ADAM10: variants seen among roughly 807,000 people sequenced by gnomAD.
ADAM10 encodes disintegrin and metalloproteinase domain-containing protein 10.
A neutral mutation model predicts 90.1 loss-of-function variants in ADAM10; 17 were observed. The ratio of observed to expected loss-of-function variants is 0.19; its 90% CI spans 0.13 to 0.28. The LOEUF is 0.28. Ranked by LOEUF, ADAM10 falls within the 10% of genes least tolerant of loss-of-function variation. The probability of loss-of-function intolerance (pLI) is 1.00; values close to 1 mark genes in which losing one functional copy is unlikely to be tolerated. For missense variants in ADAM10, 610 were observed against 914.3 expected (o/e 0.67, Z 4.29); for synonymous variants, 310 against 298.6 (o/e 1.04, Z -0.40).
chr15:58,714,824 C>T (rs919811025), intron 2 of ADAM10, among the ~76,000 whole-genome samples: 7 of 151,462 alleles, frequency 4.6e-5, no homozygotes, highest in African/African-American at 1.5e-4. Flanking sequence ...TACAGTGTAC[C>T]AAGACTAATA....
intron 11 of ADAM10, among the ~76,000 whole-genome samples, chr15:58,617,813 T>A (rs1355969727): frequency 4.8e-5 from 7 of 144,976 alleles, no homozygotes; most frequent in East Asian, 2.0e-4. Context: ...AAAAAAAGAG[T>A]AAGTTTAATA....
intron 2 of ADAM10, among the ~76,000 whole-genome samples, chr15:58,700,612 C>T (rs1832387382): frequency 6.6e-6 from 1 of 152,000 alleles, no homozygotes; most frequent in Admixed American, 6.6e-5. Flanking sequence ...GCAATAAATG[C>T]CTACCTCAAA....
chr15:58,630,574 T>C (rs763409323), intron 9 of ADAM10, among the ~76,000 whole-genome samples: 3 of 152,184 alleles, frequency 2.0e-5, no homozygotes, highest in African/African-American at 7.2e-5. Flanking sequence ...ATTTTCACCC[T>C]GAGAGACAGG....
intron 1 of ADAM10, among the ~76,000 whole-genome samples, chr15:58,726,236 C>A (rs1181627071): frequency 6.6e-6 from 1 of 152,028 alleles, no homozygotes. Context: ...ATATTGTACA[C>A]TGAACAACCT....
chr15:58,721,491 A>C (rs1898851222), intron 1 of ADAM10, among the ~76,000 whole-genome samples: 1 of 152,218 alleles, frequency 6.6e-6, no homozygotes, highest in Non-Finnish European at 1.5e-5. Context: ...CTATTCCCTA[A>C]TACTTAATGA....
At chr15:58,677,401 A>G (rs1897322748) in intron 4 of ADAM10, among the ~76,000 whole-genome samples, 1 of 152,232 alleles carries the variant, frequency 6.6e-6, no homozygotes, top group South Asian at 2.1e-4. Context: ...ATCCAGTGTC[A>G]TTCATCCTCC....
At chr15:58,612,046 A>G (rs1172748837) in intron 11 of ADAM10, 55 bp from the exon 12 acceptor site, 5 of 1,486,780 alleles carry the variant, frequency 3.4e-6, no homozygotes, top group Non-Finnish European at 4.7e-6. Context: ...TTCCCTATAT[A>G]CTATTAGATA....
chr15:58,708,241 C>T (rs1431257422), intron 2 of ADAM10, among the ~76,000 whole-genome samples: 2 of 152,130 alleles, frequency 1.3e-5, no homozygotes, highest in South Asian at 4.1e-4. Context: ...ACCAAGAGCA[C>T]ACAAAATCAG....
intron 4 of ADAM10, among the ~76,000 whole-genome samples, chr15:58,674,695 C>G (rs1897273172): frequency 6.6e-6 from 1 of 152,148 alleles, no homozygotes; most frequent in Non-Finnish European, 1.5e-5. Flanking sequence ...GATGCAACAT[C>G]CTGACATTTC....
intron 4 of ADAM10, among the ~76,000 whole-genome samples, chr15:58,675,507 T>C (rs1897288435): frequency 6.6e-6 from 1 of 152,196 alleles, no homozygotes; most frequent in South Asian, 2.1e-4. Flanking sequence ...TTTTTCTCAG[T>C]TTCTTTAAAA....
chr15:58,617,041 G>A (rs1377403019), intron 11 of ADAM10, among the ~76,000 whole-genome samples: 7 of 152,024 alleles, frequency 4.6e-5, no homozygotes, highest in African/African-American at 1.2e-4. Context: ...TCCAGGAGAC[G>A]GAGCTTGCAG....
At chr15:58,634,202 T>C (rs1290677180) in intron 8 of ADAM10, among the ~76,000 whole-genome samples, 3 of 151,626 alleles carry the variant, frequency 2.0e-5, no homozygotes, top group African/African-American at 7.3e-5. Context: ...TCCCAGCTAC[T>C]CGGGCAGGAG....
At chr15:58,743,355 C>A (rs1899676260) in intron 1 of ADAM10, among the ~76,000 whole-genome samples, 1 of 152,200 alleles carries the variant, frequency 6.6e-6, no homozygotes, top group Non-Finnish European at 1.5e-5. Context: ...ACACAAACTA[C>A]ATTTCTGGTA....
chr15:58,718,224 C>G (rs1172731563), intron 1 of ADAM10, among the ~76,000 whole-genome samples: 1 of 151,868 alleles, frequency 6.6e-6, no homozygotes, highest in Non-Finnish European at 1.5e-5. Context: ...TATTTCTGTA[C>G]CTGCTCTTTC....
chr15:58,714,378 CCCTT>C (rs1898585225), intron 2 of ADAM10, among the ~76,000 whole-genome samples: 1 of 151,356 alleles, frequency 6.6e-6, no homozygotes, highest in African/African-American at 2.4e-5. Flanking sequence ...TAAGCAAAAC[CCCTT>C]CCAAGTATAT....
intron 8 of ADAM10, among the ~76,000 whole-genome samples, chr15:58,640,279 T>C (rs1896381046): frequency 1.3e-5 from 2 of 152,156 alleles, no homozygotes; most frequent in African/African-American, 4.8e-5. Context: ...TCCCTTTTAT[T>C]AAAATAAAGG....
chr15:58,597,376 G>C lies in ADAM10; in HGVS notation c.*171C>G, dbSNP rs1894985127. ...TCCCACCCCCAAATTGGAATTTTCA[G>C]GCTTTAAAATTTAAGTAATTCCACC... On this transcript the variant is annotated 3_prime_UTR_variant, in exon 16 of 16. Transcript: ENST00000260408. 1 of 1,544,150 alleles carries C rather than the reference G, an allele frequency of 6.5e-7. No individual in the cohort carries two copies. Among genetic ancestry groups the C allele is most frequent in the Non-Finnish European group, 8.7e-7 (1 of 1,143,876 alleles).
At chr15:58,736,449 T>C (rs1050225389) in intron 1 of ADAM10, among the ~76,000 whole-genome samples, 2 of 151,802 alleles carry the variant, frequency 1.3e-5, no homozygotes, top group Non-Finnish European at 2.9e-5. Context: ...TACAGTCACA[T>C]GGCACCTAAT....
At chr15:58,677,514 A>C (rs940186519) in intron 4 of ADAM10, among the ~76,000 whole-genome samples, 6 of 152,182 alleles carry the variant, frequency 3.9e-5, no homozygotes, top group Non-Finnish European at 8.8e-5. Context: ...TTATATTACA[A>C]GAAAGAAAGA....
Sources: gnomAD v4.1 joint callset for allele counts (sites outside exome capture counted in the v4.1 genomes callset) on GRCh38, gnomAD v4.1.1 for gene constraint, MANE v1.5 for transcripts, NCBI Gene and HGNC (gene_info 2026-07-23, HGNC 2026-07-21) for gene names.